Variants in CCDC110 observed in about 807,000 individuals in gnomAD.
CCDC110 encodes the protein coiled-coil domain containing 110.
A neutral mutation model predicts 77.1 loss-of-function variants in CCDC110; 70 were observed. That is an observed-to-expected ratio of 0.91 (90% CI 0.75 to 1.11). CCDC110 has a LOEUF of 1.11. Ranked by LOEUF, CCDC110 falls within the 50% of genes least tolerant of loss-of-function variation. The pLI, the probability that CCDC110 is intolerant of heterozygous loss-of-function variation, is 0.00. For synonymous variants in CCDC110, 295 were observed against 312.5 expected, an observed-to-expected ratio of 0.94 and a Z score of 0.59; for missense variants, 868 against 942.9, an observed-to-expected ratio of 0.92 and a Z score of 1.04.
intron 1 of CCDC110, 65 bp downstream of exon 1, chr4:185,471,609 A>G: frequency 6.6e-7 from 1 of 1,521,360 alleles, no homozygotes; most frequent in Non-Finnish European, 8.9e-7. Context: ...CCGCCTGCTG[A>G]ATGCCCTTCT....
In CCDC110 at chr4:185,445,401, T is replaced by C; in HGVS notation, c.*101A>G. 1.1e-6 allele frequency: 1 copy of C among 889,900 alleles called. No homozygotes were observed. The highest frequency in any genetic ancestry group is 1.6e-5 in the South Asian group (1 of 63,448). 55.1% of individuals were successfully genotyped at this position (889,900 alleles called of 1,614,324 possible). ...TTAAAGCAAATATATAGCGCCTCAT[T>C]ATGAGTCATTTGAGATGAGTTAGAT... On this transcript the variant is annotated 3_prime_UTR_variant, in exon 7 of 7. Coordinates refer to ENST00000307588, the MANE Select transcript of CCDC110 (RefSeq NM_152775.4).
intron 2 of CCDC110, among the ~76,000 whole-genome samples, chr4:185,465,230 A>G (rs2095653361): frequency 6.6e-6 from 1 of 152,242 alleles, no homozygotes; most frequent in African/African-American, 2.4e-5. Context: ...TCCCATACCT[A>G]CAGGAATAGC....
At chr4:185,455,181 C>T (rs1244089970) in intron 6 of CCDC110, among the ~76,000 whole-genome samples, 1 of 151,758 alleles carries the variant, frequency 6.6e-6, no homozygotes, top group Non-Finnish European at 1.5e-5. Flanking sequence ...TTTATATTGT[C>T]AATGTTTTTT....
chr4:185,463,263 A>G (rs2153322845), intron 2 of CCDC110, among the ~76,000 whole-genome samples: 1 of 152,330 alleles, frequency 6.6e-6, no homozygotes, highest in African/African-American at 2.4e-5. Flanking sequence ...CTTCACTTTT[A>G]GAGTACACCG....
intron 2 of CCDC110, among the ~76,000 whole-genome samples, chr4:185,465,875 T>C (rs1054945831): frequency 6.6e-6 from 1 of 152,210 alleles, no homozygotes; most frequent in Non-Finnish European, 1.5e-5. Context: ...GAATGAATGA[T>C]GGCTCCTTGT....
Position 185,459,836 on chromosome 4 carries a change from C to T in CCDC110, c.751G>A (p.Glu251Lys), listed in dbSNP as rs751679746. The change falls in exon 6 of 7, where the codon GAG becomes AAG. Residue 251 changes from glutamate (E) to lysine (K), a missense_variant. Glu to Lys is a moderately conservative substitution (Grantham distance 56). Coordinates refer to ENST00000307588, the MANE Select transcript of CCDC110 (RefSeq NM_152775.4). Reference protein sequence around the residue: ...ICHSIKQMKEELQKSHDGEVA... With the variant: ...ICHSIKQMKEKLQKSHDGEVA... ...TCCCCATCATGTGACTTTTGAAGCT[C>T]TTCTTTCATTTGTTTGATAGAATGG... The T allele has an allele frequency of 3.7e-6, 6 of 1,613,130 alleles. No individual in the cohort carries two copies. Among genetic ancestry groups the T allele is most frequent in the East Asian group, 2.2e-5 (1 of 44,844 alleles).
At chr4:185,463,502 G>A (rs2095650132) in intron 2 of CCDC110, among the ~76,000 whole-genome samples, 1 of 152,206 alleles carries the variant, frequency 6.6e-6, no homozygotes, top group Non-Finnish European at 1.5e-5. Flanking sequence ...CTTAAGCACA[G>A]TACGCACTTG....
In CCDC110 at chr4:185,460,041, G is replaced by C; in HGVS notation, c.546C>G (p.Asn182Lys). Residue 182 changes from asparagine to lysine, a missense_variant, in exon 6 of 7, where the codon AAC becomes AAG. Coordinates refer to ENST00000307588, the MANE Select transcript of CCDC110 (RefSeq NM_152775.4). ...AATTTTCTGAAGGGTGTATAATTAT[G>C]TTTGAAGATAAATTGTCTGTTGAAG... ...LRTSTDNLSSNIIIHPSENSD... is the reference protein window; with the variant it reads ...LRTSTDNLSSKIIIHPSENSD... 6.2e-7 allele frequency: 1 copy of C among 1,613,638 alleles called. No individual in the cohort carries two copies.
In CCDC110 at chr4:185,458,164, G is replaced by A. The variant is rs200394467; in HGVS notation, c.2423C>T (p.Ser808Phe). ...HFDNYTHEDT[S>F]SPQSRPLASD... ...AGCCAAAGGCCTACTCTGAGGACTA[G>A]AAGTATCTTCGTGAGTATAGTTGTC... The change falls in exon 6 of 7, where the codon TCT becomes TTT. Residue 808 changes from serine (S) to phenylalanine (F), a missense_variant. By Grantham distance (155) the Ser-to-Phe change is radical. Coordinates refer to ENST00000307588, the MANE Select transcript of CCDC110 (RefSeq NM_152775.4). 2 of 1,590,092 alleles carry A rather than the reference G, an allele frequency of 1.3e-6. No individual in the cohort carries two copies. Among genetic ancestry groups the A allele is most frequent in the South Asian group, 1.2e-5 (1 of 85,808 alleles).
intron 4 of CCDC110, 135 bp downstream of exon 4, chr4:185,462,508 G>T: frequency 9.8e-5 from 64 of 650,184 alleles, no homozygotes; most frequent in Non-Finnish European, 1.6e-4. Flanking sequence ...AATAAATTTT[G>T]AGCCTAGAAT....
chr4:185,460,247 A>G lies in CCDC110; in HGVS notation c.349-9T>C. Reference sequence around the variant, plus strand: ...TCTTGATTCTCTGTAGGCTGTAACAATAAGAAGTACACTATAAATGTATTG... The same window carrying G: ...TCTTGATTCTCTGTAGGCTGTAACAGTAAGAAGTACACTATAAATGTATTG... On this transcript the variant is annotated splice_polypyrimidine_tract_variant and intron_variant, in intron 5 of 6. Transcript: ENST00000307588. 1 of 1,577,194 alleles carries G rather than the reference A, an allele frequency of 6.3e-7. No homozygotes were observed. The highest frequency in any genetic ancestry group is 1.3e-5 in the African/African-American group (1 of 74,146).
intron 6 of CCDC110, chr4:185,449,542 C>A: frequency 3.7e-6 from 4 of 1,094,474 alleles, no homozygotes; most frequent in Non-Finnish European, 5.3e-6. Context: ...AAAGAATGTA[C>A]AGGTATTTGA....
chr4:185,446,883 T>A (rs907374311), intron 6 of CCDC110, among the ~76,000 whole-genome samples: 1 of 152,212 alleles, frequency 6.6e-6, no homozygotes, highest in Non-Finnish European at 1.5e-5. Flanking sequence ...AGTTCCTTTG[T>A]AAGGTGGCTA....
intron 6 of CCDC110, among the ~76,000 whole-genome samples, chr4:185,453,561 T>C (rs1218561282): frequency 6.6e-6 from 1 of 151,128 alleles, no homozygotes; most frequent in African/African-American, 2.4e-5. Context: ...TTTTTTTTTT[T>C]TCCCGAGACA....
In CCDC110 at chr4:185,452,259, G is replaced by A. The variant is rs568130390; in HGVS notation, c.2461+5867C>T. ...TACTCTCCTGTTATGATGCCTGTAT[G>A]ACTTGGGTAGTTTTCTGCATCCATC... is the stretch of plus-strand genomic sequence containing the variant. On this transcript the variant is annotated intron_variant, in intron 6 of 6. Coordinates refer to ENST00000307588, the MANE Select transcript of CCDC110 (RefSeq NM_152775.4). 206 of 985,422 alleles carry A rather than the reference G, an allele frequency of 2.1e-4. 1 individual carries two copies. In the African/African-American group the frequency reaches 3.5e-3, roughly 17 times the overall value. 61.0% of individuals were successfully genotyped at this position (985,422 alleles called of 1,614,324 possible).
In CCDC110 at chr4:185,459,638, C is replaced by A; in HGVS notation, c.949G>T (p.Ala317Ser). The A allele has an allele frequency of 6.2e-7, 1 of 1,611,332 alleles. No individual in the cohort carries two copies. The highest frequency in any genetic ancestry group is 8.5e-7 in the Non-Finnish European group (1 of 1,179,076). ...IKSKRISELE[A>S]LVKKLLPFRE... is the part of the protein sequence containing the mutation. ...AAGGGGAGTAATTTCTTCACTAATG[C>A]CTCTAATTCTGAAATTCTCTTTGAT... Residue 317 changes from alanine (A) to serine (S), a missense_variant, in exon 6 of 7, where the codon GCA becomes TCA. Transcript: ENST00000307588.
intron 6 of CCDC110, among the ~76,000 whole-genome samples, chr4:185,448,062 C>G (rs1005315541): frequency 6.6e-6 from 1 of 152,136 alleles, no homozygotes; most frequent in African/African-American, 2.4e-5. Context: ...CTCTTGTCAC[C>G]CAGGCTGGAG....
chr4:185,460,422 T>A (rs1408476444), intron 5 of CCDC110, among the ~76,000 whole-genome samples, 184 bp from the exon 6 acceptor site: 1 of 152,242 alleles, frequency 6.6e-6, no homozygotes, highest in Non-Finnish European at 1.5e-5. Context: ...TCTGTAACTC[T>A]GGTCCTCACA....
At position 185,462,817 on chromosome 4, in the gene CCDC110, C is replaced by T. The variant is rs1281483196; in HGVS notation, c.172-109G>A. 12 of 1,089,356 alleles carry T rather than the reference C, an allele frequency of 1.1e-5. 1 individual carries two copies. Among genetic ancestry groups the T allele is most frequent in the African/African-American group, 6.2e-5 (4 of 64,176 alleles). The allele number at this position is 1,089,356 out of a possible 1,614,324, so 67.5% of individuals were successfully genotyped here. ...AGTTGCCTATTACTTGAAAAGATCC[C>T]GTGAGGGTCAGGTGGTTCACATTCT... On this transcript the variant is annotated intron_variant, in intron 3 of 6. Coordinates refer to ENST00000307588, the MANE Select transcript of CCDC110 (RefSeq NM_152775.4).
Sources: allele counts gnomAD v4.1 joint callset (sites outside exome capture counted in the v4.1 genomes callset), GRCh38; gene constraint gnomAD v4.1.1; transcripts MANE v1.5; gene names NCBI Gene and HGNC (gene_info 2026-07-23, HGNC 2026-07-21).